The following PCDH11X variants were observed in gnomAD, a reference collection of about 807,000 sequenced individuals.
PCDH11X encodes protocadherin 11 X-linked.
A neutral mutation model predicts 53.3 loss-of-function variants in PCDH11X; 18 were observed. The ratio of observed to expected loss-of-function variants is 0.34; its 90% CI spans 0.23 to 0.50. The LOEUF (loss-of-function observed/expected upper bound fraction) is 0.50. PCDH11X is among the 20% of genes least tolerant of loss of function. PCDH11X has a pLI of 0.98. For missense variants in PCDH11X, 570 were observed against 1,032.4 expected, an observed-to-expected ratio of 0.55 and a Z score of 6.14; for synonymous variants, 279 against 393.3, an observed-to-expected ratio of 0.71 and a Z score of 3.44.
At chrX:91,851,033 A>C (rs1192384339) in intron 5 of PCDH11X, among the ~76,000 whole-genome samples, 2 of 109,741 alleles carry the variant, frequency 1.8e-5, no homozygotes, top group Non-Finnish European at 3.8e-5. Flanking sequence ...TTCCTGGTAG[A>C]TTACAAAGTA....
At chrX:92,349,741 C>G (rs1603282597) in intron 8 of PCDH11X, among the ~76,000 whole-genome samples, 1 of 111,218 alleles carries the variant, frequency 9.0e-6, no homozygotes, top group Non-Finnish European at 1.9e-5. Flanking sequence ...ATTCAGTTTT[C>G]CACTTTCACT....
chrX:92,091,461 A>T (rs2064047229), intron 6 of PCDH11X, among the ~76,000 whole-genome samples: 1 of 111,309 alleles, frequency 9.0e-6, no homozygotes, highest in Non-Finnish European at 1.9e-5. Context: ...ATTTGAAGAG[A>T]TTTATTCTGA....
intron 8 of PCDH11X, among the ~76,000 whole-genome samples, chrX:92,347,204 T>C (rs2069922215): frequency 8.9e-6 from 1 of 111,772 alleles, no homozygotes; most frequent in South Asian, 3.7e-4. Context: ...ATAAACCATG[T>C]TACTACTAGT....
chrX:92,183,751 A>G (rs6618898), intron 6 of PCDH11X, among the ~76,000 whole-genome samples: 9,440 of 111,833 alleles, frequency 0.084, 631 homozygotes, highest in East Asian at 0.43. Flanking sequence ...GTTATTCAGC[A>G]GACACACCAC....
chrX:92,052,345 T>A (rs1352109362), intron 6 of PCDH11X, among the ~76,000 whole-genome samples: 1 of 95,779 alleles, frequency 1.0e-5, no homozygotes, highest in East Asian at 3.4e-4. Flanking sequence ...GGGATCAGAA[T>A]GGGTGATACT....
intron 7 of PCDH11X, among the ~76,000 whole-genome samples, chrX:92,247,931 C>T (rs969646543): frequency 4.5e-5 from 5 of 111,569 alleles, no homozygotes; most frequent in African/African-American, 1.3e-4. Context: ...TTTAGTGAAA[C>T]CTGACAACAA....
intron 1 of PCDH11X, among the ~76,000 whole-genome samples, chrX:91,807,470 CTG>C (rs1936157956): frequency 1.8e-5 from 2 of 109,838 alleles, no homozygotes; most frequent in Admixed American, 2.0e-4. Context: ...GTGTGTGTGT[CTG>C]TGAGGGGGAG....
intron 10 of PCDH11X, among the ~76,000 whole-genome samples, chrX:92,594,196 A>T (rs1236813537): frequency 3.9e-5 from 4 of 103,833 alleles, no homozygotes; most frequent in African/African-American, 1.4e-4. Context: ...TAAATGACTT[A>T]CAGTTACTTG....
chrX:92,572,600 C>T (rs986692449), intron 10 of PCDH11X, among the ~76,000 whole-genome samples: 1 of 109,018 alleles, frequency 9.2e-6, no homozygotes, highest in East Asian at 2.8e-4. Context: ...GGCCCTGTGG[C>T]TGGCCAGGCG....
rs951165860 is a variant in PCDH11X, at chrX:92,410,832, A to G, written c.3343+22899A>G. On this transcript the variant is annotated intron_variant, in intron 9 of 10. Transcript: ENST00000682573. ...GTAGTAAAGACTGCTTTCTTGAGGC[A>G]GAAGGCAAAAGTGCCAACTGATGTT... Among the ~76,000 whole-genome samples the G allele has an allele frequency of 9.3e-5, 9 of 97,214 alleles. 1 individual carries two copies. In the Admixed American group the frequency reaches 9.4e-4, roughly 10 times the overall value. The allele number at this position is 97,214 out of a possible 115,157, so 84.4% of individuals were successfully genotyped here.
chrX:92,002,966 C>T (rs2062535040), intron 6 of PCDH11X, among the ~76,000 whole-genome samples: 1 of 94,534 alleles, frequency 1.1e-5, no homozygotes, highest in African/African-American at 3.8e-5. Flanking sequence ...CTGTCATGTT[C>T]CAGATGTTAG....
intron 10 of PCDH11X, among the ~76,000 whole-genome samples, chrX:92,606,064 T>C (rs1486722223): frequency 1.8e-5 from 2 of 108,420 alleles, no homozygotes; most frequent in Non-Finnish European, 3.8e-5. Flanking sequence ...AAACCTCGTC[T>C]CTACTAAAAA....
chrX:92,215,193 A>G (rs1485189022), intron 7 of PCDH11X, among the ~76,000 whole-genome samples: 2 of 110,601 alleles, frequency 1.8e-5, no homozygotes, highest in Admixed American at 9.7e-5. Flanking sequence ...AGTGCCAGAC[A>G]GTGGGCGCAG....
Position 91,808,569 on chromosome X carries a change from T to C in PCDH11X, c.-378-897T>C, listed in dbSNP as rs564825406. ...ATCTATCACTAAGGTTCTATATTTA[T>C]GGCATTTGATTAGCTATCCACATCA... is the stretch of plus-strand genomic sequence containing the variant. On this transcript the variant is annotated intron_variant, in intron 1 of 10. Coordinates refer to ENST00000682573, the MANE Select transcript of PCDH11X (RefSeq NM_032968.5). Among the ~76,000 whole-genome samples the C allele has an allele frequency of 2.0e-4, 22 of 111,192 alleles. No homozygotes were observed. In the South Asian group the frequency reaches 4.6e-3, roughly 23 times the overall value.
chrX:92,170,792 T>G (rs1229237912), intron 6 of PCDH11X, among the ~76,000 whole-genome samples: 1 of 101,657 alleles, frequency 9.8e-6, no homozygotes, highest in African/African-American at 3.6e-5. Flanking sequence ...GTTTTTTTGT[T>G]TTTTGTTTTT....
chrX:92,027,579 C>T lies in PCDH11X; in HGVS notation c.3033+148306C>T, dbSNP rs368779703. On this transcript the variant is annotated intron_variant, in intron 6 of 10. Transcript: ENST00000682573. Reference sequence around the variant, plus strand: ...GAGAAGCATGAAAGTAATACCGTATCACTCTCCTTTTCACCAATGCATGAA... The same window carrying T: ...GAGAAGCATGAAAGTAATACCGTATTACTCTCCTTTTCACCAATGCATGAA... 1.9e-4 allele frequency among the ~76,000 whole-genome samples: 21 copies of T among 109,221 alleles called. No homozygotes were observed. The East Asian group carries it at 6.1e-3, about 32-fold the overall frequency. 94.8% of individuals were successfully genotyped at this position (109,221 alleles called of 115,157 possible).
intron 6 of PCDH11X, among the ~76,000 whole-genome samples, chrX:92,099,958 A>G (rs1400023025): frequency 9.0e-6 from 1 of 111,466 alleles, no homozygotes; most frequent in Non-Finnish European, 1.9e-5. Context: ...GCTGCACTCC[A>G]TATATTAATC....
chrX:92,057,836 A>G lies in PCDH11X; in HGVS notation c.3034-143539A>G, dbSNP rs185434990. Among the ~76,000 whole-genome samples, 5 of 104,848 alleles carry G rather than the reference A, an allele frequency of 4.8e-5. No individual in the cohort carries two copies. In the Admixed American group the frequency reaches 5.3e-4, roughly 11 times the overall value. 91.0% of individuals were successfully genotyped at this position (104,848 alleles called of 115,157 possible). A position where few individuals can be genotyped will look rare whatever the true frequency, so the allele number is the denominator to read the frequency against. Reference sequence around the variant, plus strand: ...TCTTTAGATAATAGACATTTTACTCATTATGTTGTGGATTCAATTCTGAAT... The same window carrying G: ...TCTTTAGATAATAGACATTTTACTCGTTATGTTGTGGATTCAATTCTGAAT... On this transcript the variant is annotated intron_variant, in intron 6 of 10. Coordinates refer to ENST00000682573, the MANE Select transcript of PCDH11X (RefSeq NM_032968.5).
At chrX:92,294,527 C>A (rs1230801625) in intron 8 of PCDH11X, among the ~76,000 whole-genome samples, 5 of 112,304 alleles carry the variant, frequency 4.5e-5, no homozygotes, top group Non-Finnish European at 9.4e-5. Flanking sequence ...TCCAATCTAT[C>A]TTAATCTCCT....
Sources: allele counts gnomAD v4.1 joint callset (sites outside exome capture counted in the v4.1 genomes callset), GRCh38; gene constraint gnomAD v4.1.1; transcripts MANE v1.5; gene names NCBI Gene and HGNC (gene_info 2026-07-23, HGNC 2026-07-21).